SPOCK1: variants seen among roughly 807,000 people sequenced by gnomAD.
SPOCK1 encodes SPARC (osteonectin), cwcv and kazal like domains proteoglycan 1, also known as testican-1.
A neutral mutation model predicts 55.3 loss-of-function variants in SPOCK1; 23 were observed. The ratio of observed to expected loss-of-function variants is 0.42; its 90% CI spans 0.30 to 0.59. The LOEUF (loss-of-function observed/expected upper bound fraction) is 0.59. Ranked by LOEUF, SPOCK1 falls within the 20% of genes least tolerant of loss-of-function variation. The pLI is 0.22. For synonymous variants in SPOCK1, 226 were observed against 221.0 expected, an observed-to-expected ratio of 1.02 and a Z score of -0.20; for missense variants, 499 against 552.5, an observed-to-expected ratio of 0.90 and a Z score of 0.97.
chr5:137,212,502 T>C (rs1218828858), intron 3 of SPOCK1, among the ~76,000 whole-genome samples: 3 of 152,224 alleles, frequency 2.0e-5, no homozygotes, highest in Non-Finnish European at 4.4e-5. Flanking sequence ...AAACATAAGC[T>C]GAATATGTAC....
At chr5:137,242,018 A>C (rs757427879) in intron 3 of SPOCK1, among the ~76,000 whole-genome samples, 1 of 152,226 alleles carries the variant, frequency 6.6e-6, no homozygotes, top group African/African-American at 2.4e-5. Context: ...ACTGGGAACA[A>C]TTCAAAGACT....
intron 2 of SPOCK1, among the ~76,000 whole-genome samples, chr5:137,294,448 C>CA (rs1311449949): frequency 6.6e-6 from 1 of 152,218 alleles, no homozygotes; most frequent in Non-Finnish European, 1.5e-5. Context: ...GGCCAGGACA[C>CA]AGTCAAGAGT....
chr5:137,472,637 G>A (rs543968712), intron 2 of SPOCK1, among the ~76,000 whole-genome samples: 168 of 152,278 alleles, frequency 1.1e-3, no homozygotes, highest in African/African-American at 3.7e-3. Context: ...AGCTGCACAC[G>A]AGTGAAATGA....
chr5:137,373,317 G>A (rs1751242618), intron 2 of SPOCK1, among the ~76,000 whole-genome samples: 1 of 152,134 alleles, frequency 6.6e-6, no homozygotes, highest in Admixed American at 6.5e-5. Context: ...ATGATCAACA[G>A]GGAGTTTCCT....
chr5:137,245,776 C>A (rs1369129), intron 3 of SPOCK1, among the ~76,000 whole-genome samples: 3,233 of 140,776 alleles, frequency 0.023, 126 homozygotes, highest in African/African-American at 0.076. Context: ...CAAAACAAAA[C>A]AAAAAAAAAA....
chr5:137,300,614 CT>C (rs1457502731), intron 2 of SPOCK1, among the ~76,000 whole-genome samples: 1 of 152,188 alleles, frequency 6.6e-6, no homozygotes, highest in Non-Finnish European at 1.5e-5. Flanking sequence ...TTTCCTGTTG[CT>C]TTTTGCTGGA....
intron 3 of SPOCK1, among the ~76,000 whole-genome samples, chr5:137,159,375 T>C (rs1436288123): frequency 1.3e-5 from 2 of 152,264 alleles, no homozygotes; most frequent in East Asian, 3.9e-4. Context: ...CTAATTAGGA[T>C]CATTTAAAAA....
chr5:137,230,494 T>C (rs769115907), intron 3 of SPOCK1, among the ~76,000 whole-genome samples: 1 of 152,228 alleles, frequency 6.6e-6, no homozygotes, highest in Non-Finnish European at 1.5e-5. Context: ...AAAGAGTCTT[T>C]ACTACTTCTG....
chr5:137,244,284 G>A (rs994672305), intron 3 of SPOCK1, among the ~76,000 whole-genome samples: 13 of 152,286 alleles, frequency 8.5e-5, no homozygotes, highest in South Asian at 8.3e-4. Context: ...AAAATTCAAC[G>A]TGTAGAAAAT....
intron 3 of SPOCK1, among the ~76,000 whole-genome samples, chr5:137,237,589 A>C (rs116256760): frequency 1.1e-3 from 165 of 152,366 alleles, no homozygotes; most frequent in African/African-American, 3.9e-3. Context: ...TAAACAAGAC[A>C]TGTGGTGTTA....
intron 2 of SPOCK1, among the ~76,000 whole-genome samples, chr5:137,362,285 C>A (rs1283400861): frequency 2.0e-5 from 3 of 151,272 alleles, no homozygotes; most frequent in Non-Finnish European, 1.5e-5. Flanking sequence ...GTAATAACCA[C>A]TGCAGTTTAC....
At chr5:137,179,452 C>T (rs192046822) in intron 3 of SPOCK1, among the ~76,000 whole-genome samples, 47 of 152,316 alleles carry the variant, frequency 3.1e-4, no homozygotes, top group African/African-American at 1.0e-3. Context: ...GCTGGCAGAC[C>T]TTCAGAGGTC....
At chr5:137,438,011 T>C (rs777528513) in intron 2 of SPOCK1, among the ~76,000 whole-genome samples, 1 of 152,162 alleles carries the variant, frequency 6.6e-6, no homozygotes, top group Non-Finnish European at 1.5e-5. Context: ...ATCATAACAG[T>C]ATTTGTCTGT....
rs1270777947 is a variant in SPOCK1, at chr5:137,093,968, G to C, written c.474+18467C>G. Among the ~76,000 whole-genome samples, 7 of 152,294 alleles carry C rather than the reference G, an allele frequency of 4.6e-5. No individual in the cohort carries two copies. In the East Asian group the frequency reaches 1.4e-3, roughly 29 times the overall value. On this transcript the variant is annotated intron_variant, in intron 5 of 10. Coordinates refer to ENST00000394945, the MANE Select transcript of SPOCK1 (RefSeq NM_004598.4). ...AACAGACTACAGGCAAACACTGATG[G>C]AAACAGAGACCAGTAATGAGACCAT...
At position 137,425,192 on chromosome 5, in the gene SPOCK1, C is replaced by A. The variant is rs886235737; in HGVS notation, c.186+73181G>T. Among the ~76,000 whole-genome samples the A allele has an allele frequency of 3.8e-4, 8 of 20,950 alleles. No homozygotes were observed. The South Asian group carries it at 0.12, about 308-fold the overall frequency. 13.7% of individuals were successfully genotyped at this position (20,950 alleles called of 152,430 possible). A position where few individuals can be genotyped will look rare whatever the true frequency, so the allele number is the denominator to read the frequency against. Reference sequence around the variant, plus strand: ...CCAACACTTAAGATTGGGCTTAGTACAATGGCCTTACCTAGTGGAGATACA... The same window carrying A: ...CCAACACTTAAGATTGGGCTTAGTAAAATGGCCTTACCTAGTGGAGATACA... On this transcript the variant is annotated intron_variant, in intron 2 of 10. Coordinates refer to ENST00000394945, the MANE Select transcript of SPOCK1 (RefSeq NM_004598.4).
At chr5:136,982,601 A>G (rs1490207157) in intron 9 of SPOCK1, among the ~76,000 whole-genome samples, 1 of 151,516 alleles carries the variant, frequency 6.6e-6, no homozygotes, top group Non-Finnish European at 1.5e-5. Context: ...CAGTTAATCT[A>G]TACAGATTTT....
Position 136,992,415 on chromosome 5 carries a change from A to C in SPOCK1, c.706+69T>G, listed in dbSNP as rs905184419. ...AATGTAATGGGTGTTTTTCACCCCC[A>C]AATGATATTGCTAACCCTAAATCAA... On this transcript the variant is annotated intron_variant, in intron 7 of 10. Transcript: ENST00000394945. 4.9e-6 allele frequency: 6 copies of C among 1,217,302 alleles called. 1 individual carries two copies. The Middle Eastern group carries it at 7.9e-4, about 161-fold the overall frequency. The allele number at this position is 1,217,302 out of a possible 1,614,324, so 75.4% of individuals were successfully genotyped here.
intron 2 of SPOCK1, among the ~76,000 whole-genome samples, chr5:137,492,528 T>G (rs1024966215): frequency 6.6e-6 from 1 of 152,126 alleles, no homozygotes; most frequent in Non-Finnish European, 1.5e-5. Flanking sequence ...TACAAGCGAG[T>G]ATGTTTTCTC....
chr5:137,490,191 C>T (rs1477684647), intron 2 of SPOCK1, among the ~76,000 whole-genome samples: 2 of 152,326 alleles, frequency 1.3e-5, no homozygotes, highest in African/African-American at 4.8e-5. Flanking sequence ...TCCTAAGCCA[C>T]AACCAACCTG....
Sources: allele counts gnomAD v4.1 joint callset (sites outside exome capture counted in the v4.1 genomes callset), GRCh38; gene constraint gnomAD v4.1.1; transcripts MANE v1.5; gene names NCBI Gene and HGNC (gene_info 2026-07-23, HGNC 2026-07-21).